The following PSMA3 variants were observed in gnomAD, a reference collection of about 807,000 sequenced individuals.
PSMA3 encodes proteasome 20S subunit alpha 3, also known as proteasome subunit alpha type-3.
PSMA3 carries 8 observed loss-of-function variants against 40.0 expected under a neutral mutation model. The ratio of observed to expected loss-of-function variants is 0.20; its 90% confidence interval spans 0.12 to 0.36. The LOEUF (loss-of-function observed/expected upper bound fraction) is 0.36. Ranked by LOEUF, PSMA3 falls within the 10% of genes least tolerant of loss-of-function variation. The pLI, the probability that PSMA3 is intolerant of heterozygous loss-of-function variation, is 1.00. For synonymous variants in PSMA3, 110 were observed against 100.0 expected, an observed-to-expected ratio of 1.10 and a Z score of -0.59; for missense variants, 219 against 310.6, an observed-to-expected ratio of 0.70 and a Z score of 2.22.
chr14:58,266,993 T>G (rs1357651398), intron 7 of PSMA3: 2 of 152,132 alleles, frequency 1.3e-5, no homozygotes, highest in Non-Finnish European at 2.9e-5. Flanking sequence ...TTTTTTGGCG[T>G]ATAAATTTTT....
At chr14:58,259,123 G>C (rs370008648) in intron 5 of PSMA3, among the ~76,000 whole-genome samples, 63 of 151,894 alleles carry the variant, frequency 4.1e-4, no homozygotes, top group African/African-American at 1.4e-3. Flanking sequence ...GTAGAGACGG[G>C]GTCTCACCAT....
chr14:58,266,948 AAGTT>A (rs1880969967), intron 7 of PSMA3: 1 of 152,162 alleles, frequency 6.6e-6, no homozygotes, highest in Admixed American at 6.6e-5. Flanking sequence ...TTTTGTCACA[AAGTT>A]AGTGGTAACT....
At chr14:58,248,546 C>T (rs1201544809) in intron 2 of PSMA3, among the ~76,000 whole-genome samples, 1 of 152,122 alleles carries the variant, frequency 6.6e-6, no homozygotes, top group Admixed American at 6.5e-5. Flanking sequence ...GGATTATAGG[C>T]GTGAGTCACT....
At chr14:58,263,489 A>AC (rs1890341338) in intron 6 of PSMA3, 1 of 404,950 alleles carries the variant, frequency 2.5e-6, no homozygotes, top group Non-Finnish European at 4.4e-6. Flanking sequence ...TTTTGGATAT[A>AC]CCTTTATTAA....
intron 10 of PSMA3, 90 bp from the exon 11 acceptor site, chr14:58,271,761 T>C: frequency 1.1e-6 from 1 of 878,006 alleles, no homozygotes; most frequent in Non-Finnish European, 1.9e-6. Flanking sequence ...TTTAACCACT[T>C]AATTCAGGTT....
chr14:58,247,753 G>T lies in PSMA3; in HGVS notation c.25G>T (p.Asp9Tyr). 6.3e-7 allele frequency: 1 copy of T among 1,595,934 alleles called. No individual in the cohort carries two copies. The highest frequency in any genetic ancestry group is 1.1e-5 in the South Asian group (1 of 89,912). Reference protein sequence around the residue: MSSIGTGYDLSASTFSPDG... With the variant: MSSIGTGYYLSASTFSPDG... The stretch of plus-strand genomic sequence containing the variant: ...CTGTTGCCCTTTTCTCCTTAAGTAT[G>T]ACCTGTCAGCCTCTACATTCTCTCC... Residue 9 changes from aspartate (D) to tyrosine (Y), a missense_variant, in exon 2 of 11, where the codon GAC (aspartate) becomes TAC (tyrosine). Asp to Tyr is a radical substitution (Grantham distance 160, BLOSUM62 -3). Transcript: ENST00000216455.
chr14:58,265,521 A>G (rs538150018), intron 7 of PSMA3: 9 of 152,274 alleles, frequency 5.9e-5, no homozygotes, highest in African/African-American at 2.2e-4. Flanking sequence ...TTAGAATACA[A>G]CAGTAGACTT....
At chr14:58,269,824 T>G (rs968923537) in intron 8 of PSMA3, 103 of 152,112 alleles carry the variant, frequency 6.8e-4, no homozygotes, top group African/African-American at 2.5e-3. Context: ...ATCCGTGTTC[T>G]TTATGAGGTA....
At chr14:58,260,376 C>G (rs1251571714) in intron 5 of PSMA3, among the ~76,000 whole-genome samples, 1 of 152,196 alleles carries the variant, frequency 6.6e-6, no homozygotes. Context: ...AGTTTTCTAT[C>G]TGTGGTTTGT....
At chr14:58,251,624 A>G (rs1419884181) in intron 2 of PSMA3, among the ~76,000 whole-genome samples, 4 of 152,200 alleles carry the variant, frequency 2.6e-5, no homozygotes, top group African/African-American at 4.8e-5. Flanking sequence ...CATATATTTT[A>G]TTTTTATATA....
chr14:58,265,346 A>C (rs1219073520), intron 7 of PSMA3: 2 of 152,204 alleles, frequency 1.3e-5, no homozygotes, highest in Admixed American at 6.5e-5. Context: ...TGGGAAAAAC[A>C]ATAAATCCCA....
At chr14:58,270,536 C>A (rs1890584200) in intron 9 of PSMA3, 51 bp downstream of exon 9, 1 of 1,608,526 alleles carries the variant, frequency 6.2e-7, no homozygotes, top group Non-Finnish European at 8.5e-7. Flanking sequence ...TGTACCACAG[C>A]TAATTTACAA....
chr14:58,265,772 TTAAC>T (rs1890422594), intron 7 of PSMA3: 1 of 152,158 alleles, frequency 6.6e-6, no homozygotes, highest in South Asian at 2.1e-4. Flanking sequence ...AATACAGAAC[TTAAC>T]TAAGGACAAA....
intron 5 of PSMA3, 121 bp downstream of exon 5, chr14:58,258,119 A>G (rs956183898): frequency 1.3e-5 from 10 of 743,376 alleles, no homozygotes; most frequent in East Asian, 8.1e-5. Flanking sequence ...TATTAGGGCA[A>G]TGATTAAATA....
intron 8 of PSMA3, chr14:58,269,458 A>T (rs994033284): frequency 3.3e-5 from 5 of 151,542 alleles, no homozygotes; most frequent in African/African-American, 1.2e-4. Context: ...TTTGAAACAG[A>T]GTCTCACTCT....
At chr14:58,266,998 A>C (rs1313676043) in intron 7 of PSMA3, 1 of 151,910 alleles carries the variant, frequency 6.6e-6, no homozygotes, top group African/African-American at 2.4e-5. Flanking sequence ...TGGCGTATAA[A>C]TTTTTTTCTT....
rs902155096 is a variant in PSMA3 at position 58,271,968 on chromosome 14, C to T, written c.*73C>T. 3.7e-6 allele frequency: 4 copies of T among 1,085,874 alleles called. No individual in the cohort carries two copies. Among genetic ancestry groups the T allele is most frequent in the Non-Finnish European group, 5.5e-6 (4 of 730,260 alleles). The allele number at this position is 1,085,874 out of a possible 1,614,324, so 67.3% of individuals were successfully genotyped here. ...TGTAACTATTTAGCCCTGGATTATA[C>T]ATACTGTCCAATTTTCATTAAATTT... is the stretch of plus-strand genomic sequence containing the variant. On this transcript the variant is annotated 3_prime_UTR_variant, in exon 11 of 11. Coordinates refer to ENST00000216455, the MANE Select transcript of PSMA3 (RefSeq NM_002788.4).
chr14:58,257,298 C>A (rs1445477276), intron 3 of PSMA3, among the ~76,000 whole-genome samples: 2 of 151,834 alleles, frequency 1.3e-5, no homozygotes, highest in Non-Finnish European at 2.9e-5. Flanking sequence ...GAGATCAAGA[C>A]CGTCCTGGCT....
At chr14:58,246,274 A>T (rs1305757075) in intron 1 of PSMA3, among the ~76,000 whole-genome samples, 2 of 152,152 alleles carry the variant, frequency 1.3e-5, no homozygotes, top group Non-Finnish European at 2.9e-5. Context: ...TTTTCTCCTC[A>T]CCTTGCCATT....
Sources: allele counts gnomAD v4.1 joint callset (sites outside exome capture counted in the v4.1 genomes callset), GRCh38; gene constraint gnomAD v4.1.1; transcripts MANE v1.5; gene names NCBI Gene and HGNC (gene_info 2026-07-23, HGNC 2026-07-21).